Variants in RTKN2 observed in about 807,000 individuals in gnomAD.
The protein encoded by RTKN2 is rhotekin-2.
A neutral mutation model predicts 71.5 loss-of-function variants in RTKN2; 69 were observed. The observed-to-expected ratio is 0.96, with a 90% CI of 0.79 to 1.18. The LOEUF (loss-of-function observed/expected upper bound fraction) is 1.18. Among genes scored for constraint, RTKN2 ranks in the 50% most tolerant of loss-of-function variants. RTKN2 has a pLI of 0.00. For synonymous variants in RTKN2, 236 were observed against 236.5 expected, an observed-to-expected ratio of 1.00 and a Z score of 0.02; for missense variants, 724 against 719.7, an observed-to-expected ratio of 1.01 and a Z score of -0.07.
In RTKN2 at chr10:62,197,813, AT is replaced by A; in HGVS notation, c.*94del. Reference sequence around the variant, plus strand: ...TTATTAATTATTGGTATAAATCACTATATTTACCTATATAATTACACATTAT... The same window carrying A: ...TTATTAATTATTGGTATAAATCACTAATTTACCTATATAATTACACATTAT... On this transcript the variant is annotated 3_prime_UTR_variant, in exon 12 of 12. Coordinates refer to ENST00000373789, the MANE Select transcript of RTKN2 (RefSeq NM_145307.4). The A allele has an allele frequency of 6.9e-7, 1 of 1,445,360 alleles. No individual in the cohort carries two copies. Among genetic ancestry groups the A allele is most frequent in the Non-Finnish European group, 9.1e-7 (1 of 1,094,922 alleles). The allele number at this position is 1,445,360 out of a possible 1,614,324, so 89.5% of individuals were successfully genotyped here.
chr10:62,241,556 G>A (rs796584363), intron 3 of RTKN2, among the ~76,000 whole-genome samples: 28 of 151,990 alleles, frequency 1.8e-4, no homozygotes, highest in Non-Finnish European at 3.8e-4. Flanking sequence ...TTACTGTCTA[G>A]CTAAATACCA....
chr10:62,267,522 T>C (rs1395377824), intron 1 of RTKN2, among the ~76,000 whole-genome samples: 1 of 152,204 alleles, frequency 6.6e-6, no homozygotes, highest in African/African-American at 2.4e-5. Context: ...TTTTTGAAAA[T>C]GCTGGCATAA....
At position 62,246,037 on chromosome 10, in the gene RTKN2, T is replaced by C; in HGVS notation, c.278A>G (p.Lys93Arg). ...CTTTCCTTTACATGCTGTTCGTTCT[T>C]TACTTTCAAATTTCACATCACTGTC... ...TGRCDVKFESKERTACKGKIA... is the reference protein window; with the variant it reads ...TGRCDVKFESRERTACKGKIA... Residue 93 changes from lysine (K) to arginine (R), a missense_variant, in exon 3 of 12, where the codon AAA becomes AGA. By Grantham distance (26) the Lys-to-Arg change is conservative. Transcript: ENST00000373789. 6.3e-7 allele frequency: 1 copy of C among 1,596,736 alleles called. No individual in the cohort carries two copies.
At position 62,194,839 on chromosome 10, in the gene RTKN2, T is replaced by A; in HGVS notation, c.*3069A>T. On this transcript the variant is annotated 3_prime_UTR_variant, in exon 12 of 12. Transcript: ENST00000373789. ...AGCAGGTAAAATGCATTTAGTAAGA[T>A]CCCAAAGGGTAAAGATAAGGCATTT... The A allele has an allele frequency of 1.0e-6, 1 of 985,186 alleles. No individual in the cohort carries two copies. Among genetic ancestry groups the A allele is most frequent in the Non-Finnish European group, 1.2e-6 (1 of 829,746 alleles). 61.0% of individuals were successfully genotyped at this position (985,186 alleles called of 1,614,324 possible).
downstream of RTKN2, among the ~76,000 whole-genome samples, chr10:62,192,653 A>C (rs1406643436): frequency 6.6e-6 from 1 of 152,172 alleles, no homozygotes; most frequent in Admixed American, 6.5e-5. Flanking sequence ...AGCATGAGGG[A>C]GGCTTGATGC....
At chr10:62,215,756 A>G (rs929377313) in intron 9 of RTKN2, among the ~76,000 whole-genome samples, 1 of 151,946 alleles carries the variant, frequency 6.6e-6, no homozygotes, top group African/African-American at 2.4e-5. Flanking sequence ...ACAGGTGTTC[A>G]TTATTCTGTT....
chr10:62,223,255 A>G lies in RTKN2; in HGVS notation c.764T>C (p.Leu255Pro). 2 of 1,600,944 alleles carry G rather than the reference A, an allele frequency of 1.2e-6. No homozygotes were observed. The highest frequency in any genetic ancestry group is 1.7e-6 in the Non-Finnish European group (2 of 1,168,348). Residue 255 changes from leucine to proline, a missense_variant, in exon 7 of 12, where the codon CTG (leucine) becomes CCG (proline). Coordinates refer to ENST00000373789, the MANE Select transcript of RTKN2 (RefSeq NM_145307.4). ...SAEDSFKTHN[L>P]SINGNEESSF... ...GTACTTACCATTTCCATTAATAGAC[A>G]GATTATGGGTCTTGAAACTATCCTC...
downstream of RTKN2, among the ~76,000 whole-genome samples, chr10:62,192,092 TAA>T (rs112703810): frequency 7.0e-6 from 1 of 142,660 alleles, no homozygotes. Context: ...CAAATGAGGT[TAA>T]AAAAAAAAAG....
intron 2 of RTKN2, among the ~76,000 whole-genome samples, chr10:62,256,220 A>C (rs1842672588): frequency 6.6e-6 from 1 of 151,952 alleles, no homozygotes; most frequent in South Asian, 2.1e-4. Context: ...ACGAGGTCTT[A>C]TTATGTTGCC....
chr10:62,218,292 G>A lies in RTKN2; in HGVS notation c.791C>T (p.Ser264Leu), dbSNP rs1199688270. The change falls in exon 8 of 12, where the codon TCA becomes TTA. Residue 264 changes from serine (S) to leucine (L), a missense_variant. Physicochemically the swap from Ser to Leu is moderately radical, Grantham distance 145. Coordinates refer to ENST00000373789, the MANE Select transcript of RTKN2 (RefSeq NM_145307.4). ...NLSINGNEES[S>L]FWLPLYGNMC... ...GTTGCCATACAGGGGAAGCCAAAAT[G>A]AAGACTCCTCTATTTAAAGGAGAAA... 6.2e-7 allele frequency: 1 copy of A among 1,601,782 alleles called. No homozygotes were observed. Among genetic ancestry groups the A allele is most frequent in the African/African-American group, 1.4e-5 (1 of 73,180 alleles).
At chr10:62,190,950 T>C (rs967950140), downstream of RTKN2, among the ~76,000 whole-genome samples, 14 of 152,244 alleles carry the variant, frequency 9.2e-5, no homozygotes, top group Admixed American at 2.0e-4. Flanking sequence ...AACTGCCTTA[T>C]CCATTCATTC....
chr10:62,202,056 TTTTAAAAA>T (rs1488283618), intron 10 of RTKN2, among the ~76,000 whole-genome samples: 1 of 149,182 alleles, frequency 6.7e-6, no homozygotes, highest in Admixed American at 7.7e-5. Flanking sequence ...GTTAAATATT[TTTTAAAAA>T]TTTAATGTTC....
chr10:62,263,893 A>T (rs1842822227), intron 1 of RTKN2, among the ~76,000 whole-genome samples: 1 of 152,186 alleles, frequency 6.6e-6, no homozygotes, highest in Non-Finnish European at 1.5e-5. Context: ...GCCTGATTCT[A>T]CATATAAGTT....
At chr10:62,200,414 C>T (rs1841419887) in intron 10 of RTKN2, among the ~76,000 whole-genome samples, 1 of 145,766 alleles carries the variant, frequency 6.9e-6, no homozygotes, top group Admixed American at 6.8e-5. Context: ...TACTTCTATG[C>T]AAAGACATTA....
At chr10:62,220,108 A>T (rs1294760256) in intron 7 of RTKN2, among the ~76,000 whole-genome samples, 1 of 151,960 alleles carries the variant, frequency 6.6e-6, no homozygotes, top group East Asian at 1.9e-4. Flanking sequence ...TTACCCCAGA[A>T]TTTTTTTTGT....
chr10:62,197,796 T>G lies in RTKN2; in HGVS notation c.*112A>C, dbSNP rs1016887541. 1.4e-6 allele frequency: 2 copies of G among 1,431,062 alleles called. No homozygotes were observed. Among genetic ancestry groups the G allele is most frequent in the Non-Finnish European group, 1.8e-6 (2 of 1,090,602 alleles). 88.6% of individuals were successfully genotyped at this position (1,431,062 alleles called of 1,614,324 possible). A position where few individuals can be genotyped will look rare whatever the true frequency, so the allele number is the denominator to read the frequency against. On this transcript the variant is annotated 3_prime_UTR_variant, in exon 12 of 12. Transcript: ENST00000373789. The stretch of plus-strand genomic sequence containing the variant: ...TTTCTATACCTAATAGCTTATTAAT[T>G]ATTGGTATAAATCACTATATTTACC...
At chr10:62,205,144 T>C (rs1841524485) in intron 9 of RTKN2, 122 bp from the exon 10 acceptor site, 1 of 738,044 alleles carries the variant, frequency 1.4e-6, no homozygotes, top group Non-Finnish European at 2.1e-6. Context: ...TTGCTGATCA[T>C]TTGAAATTTA....
At chr10:62,247,139 T>G (rs1475312283) in intron 2 of RTKN2, among the ~76,000 whole-genome samples, 1 of 151,946 alleles carries the variant, frequency 6.6e-6, no homozygotes, top group Admixed American at 6.6e-5. Context: ...GAAAGACTGA[T>G]GGGAGTTTGA....
At position 62,268,753 on chromosome 10, in the gene RTKN2, G is replaced by A. The variant is rs1564536374; in HGVS notation, c.-143C>T. ...AGGGGCCGGGGGCGCAGGAGGAGCC[G>A]GGCCGAAGCGCACGCGCAGTGGGCG... On this transcript the variant is annotated 5_prime_UTR_variant, in exon 1 of 12. Transcript: ENST00000373789. 3 of 823,150 alleles carry A rather than the reference G, an allele frequency of 3.6e-6. No homozygotes were observed. The highest frequency in any genetic ancestry group is 3.7e-5 in the South Asian group (2 of 54,438). The allele number at this position is 823,150 out of a possible 1,614,324, so 51.0% of individuals were successfully genotyped here.
Sources: allele counts gnomAD v4.1 joint callset (sites outside exome capture counted in the v4.1 genomes callset), GRCh38; gene constraint gnomAD v4.1.1; transcripts MANE v1.5; gene names NCBI Gene and HGNC (gene_info 2026-07-23, HGNC 2026-07-21).